The following TKTL1 variants were observed in gnomAD, a reference collection of about 807,000 sequenced individuals.
TKTL1 encodes transketolase like 1, also known as transketolase-like protein 1.
TKTL1 carries 1 observed loss-of-function variant against 39.3 expected under a neutral mutation model. That is an observed-to-expected ratio of 0.03 (90% CI 0.01 to 0.12). TKTL1 has a LOEUF of 0.12. Among genes scored for constraint, TKTL1 ranks in the 10% least tolerant of loss-of-function variants. The pLI is 1.00. For missense variants in TKTL1, 575 were observed against 509.6 expected, an observed-to-expected ratio of 1.13 and a Z score of -1.24; for synonymous variants, 262 against 193.8, an observed-to-expected ratio of 1.35 and a Z score of -2.92.
chrX:154,295,818 A>T lies in TKTL1; in HGVS notation c.-42A>T. 1 of 1,193,752 alleles carries T rather than the reference A, an allele frequency of 8.4e-7. No homozygotes were observed. Reference sequence around the variant, plus strand: ...GCGCCATTCGCTCTTCAGACGCCGGAGACGTAGGAGTGGGTCTTCAGACTC... The same window carrying T: ...GCGCCATTCGCTCTTCAGACGCCGGTGACGTAGGAGTGGGTCTTCAGACTC... On this transcript the variant is annotated 5_prime_UTR_variant, in exon 1 of 13. Transcript: ENST00000369915.
At chrX:154,323,833 A>G (rs145912472) in intron 9 of TKTL1, among the ~76,000 whole-genome samples, 185 of 112,665 alleles carry the variant, frequency 1.6e-3, no homozygotes, top group Non-Finnish European at 2.7e-3. Flanking sequence ...TTAGGGCGCC[A>G]AGAGTGTGTG....
At chrX:154,323,003 A>T (rs2067463811) in intron 8 of TKTL1, among the ~76,000 whole-genome samples, 2 of 112,370 alleles carry the variant, frequency 1.8e-5, no homozygotes, top group African/African-American at 6.5e-5. Context: ...GAGGTGTCAC[A>T]GTGTGATCTC....
intron 1 of TKTL1, among the ~76,000 whole-genome samples, chrX:154,296,198 C>G (rs1362760585): frequency 9.0e-6 from 1 of 110,926 alleles, no homozygotes; most frequent in Non-Finnish European, 1.9e-5. Flanking sequence ...AAGGGTCGGT[C>G]GGTTGGTTGG....
chrX:154,297,675 CA>C (rs2067241414), intron 1 of TKTL1, among the ~76,000 whole-genome samples: 1 of 110,902 alleles, frequency 9.0e-6, no homozygotes, highest in Non-Finnish European at 1.9e-5. Flanking sequence ...GTGGTGGCTC[CA>C]ACCTGTAATC....
intron 1 of TKTL1, among the ~76,000 whole-genome samples, chrX:154,300,976 T>A (rs1210081730): frequency 9.1e-6 from 1 of 110,083 alleles, no homozygotes; most frequent in African/African-American, 3.3e-5. Context: ...ATTACAGATG[T>A]GAGCCAACCG....
intron 2 of TKTL1, among the ~76,000 whole-genome samples, chrX:154,306,597 G>A (rs1375734502): frequency 9.0e-6 from 1 of 111,637 alleles, no homozygotes; most frequent in Non-Finnish European, 1.9e-5. Flanking sequence ...ATTGTGCTAG[G>A]CTTTAAACAT....
chrX:154,296,840 G>A (rs782200839), intron 1 of TKTL1, among the ~76,000 whole-genome samples: 3 of 111,661 alleles, frequency 2.7e-5, no homozygotes, highest in Non-Finnish European at 5.7e-5. Flanking sequence ...GCAAGATGGC[G>A]AACCTCTGTA....
intron 12 of TKTL1, among the ~76,000 whole-genome samples, chrX:154,328,345 A>G: frequency 9.2e-6 from 1 of 108,761 alleles, no homozygotes; most frequent in Non-Finnish European, 1.9e-5. Flanking sequence ...CAGAAGCTCA[A>G]GACCAGCCTG....
chrX:154,302,498 C>T (rs1472872742), intron 1 of TKTL1, among the ~76,000 whole-genome samples: 2 of 111,080 alleles, frequency 1.8e-5, no homozygotes, highest in Non-Finnish European at 3.8e-5. Flanking sequence ...CCCGTATCCT[C>T]ACATGGTCGG....
chrX:154,329,631 G>C lies in TKTL1; in HGVS notation c.1734G>C (p.Met578Ile). The part of the protein sequence containing the change: ...QSGKSEELLD[M>I]YGISARHIIV... The stretch of plus-strand genomic sequence containing the variant: ...GGAAGTCCGAGGAATTGCTGGATAT[G>C]TATGGAATTAGTGCCAGACATATCA... Residue 578 changes from methionine to isoleucine, a missense_variant, in exon 13 of 13, where the codon ATG becomes ATC. Transcript: ENST00000369915. 2 of 1,212,009 alleles carry C rather than the reference G, an allele frequency of 1.7e-6. No homozygotes were observed. The highest frequency in any genetic ancestry group is 1.8e-5 in the South Asian group (1 of 57,018).
chrX:154,296,014 T>C (rs782803277), intron 1 of TKTL1, 21 bp downstream of exon 1: 21 of 1,208,034 alleles, frequency 1.7e-5, no homozygotes, highest in Admixed American at 2.2e-5. Context: ...CTCATTGAAG[T>C]CTGGGTCATG....
At chrX:154,312,853 A>C in intron 6 of TKTL1, 80 bp downstream of exon 6, 1 of 953,343 alleles carries the variant, frequency 1.0e-6, no homozygotes. Context: ...TGTACACAGG[A>C]TTCTTCATTT....
At chrX:154,324,129 G>A (rs1308071558) in intron 9 of TKTL1, among the ~76,000 whole-genome samples, 5 of 110,626 alleles carry the variant, frequency 4.5e-5, no homozygotes, top group Admixed American at 2.9e-4. Flanking sequence ...TTTTTGTGTG[G>A]TTTTTGTGTT....
At chrX:154,301,914 C>CT (rs1189969073) in intron 1 of TKTL1, among the ~76,000 whole-genome samples, 75 of 101,964 alleles carry the variant, frequency 7.4e-4, no homozygotes, top group South Asian at 1.7e-3. Context: ...TTTCTTTTTT[C>CT]TTTTTTTTTT....
intron 7 of TKTL1, 119 bp from the exon 8 acceptor site, chrX:154,320,638 T>G (rs1479493294): frequency 1.4e-6 from 1 of 737,385 alleles, no homozygotes; most frequent in Non-Finnish European, 2.1e-6. Context: ...GAAGGACGCA[T>G]GCTAGAACTT....
chrX:154,305,572 G>A, intron 2 of TKTL1, 151 bp downstream of exon 2: 1 of 685,298 alleles, frequency 1.5e-6, no homozygotes, highest in Non-Finnish European at 2.1e-6. Context: ...GTTCTAGTGA[G>A]GGCCACTTGG....
intron 5 of TKTL1, among the ~76,000 whole-genome samples, chrX:154,311,574 AAG>A (rs1557168377): frequency 9.1e-6 from 1 of 110,156 alleles, no homozygotes. Flanking sequence ...TGCAAGAAAT[AAG>A]AGTGCATACC....
intron 12 of TKTL1, 137 bp downstream of exon 12, chrX:154,328,095 C>T (rs2067507038): frequency 6.0e-6 from 5 of 827,302 alleles, no homozygotes; most frequent in South Asian, 4.8e-5. Context: ...GTTCACTAAG[C>T]GTGGGGCCAT....
chrX:154,299,008 C>T (rs2067252068), intron 1 of TKTL1, among the ~76,000 whole-genome samples: 1 of 109,986 alleles, frequency 9.1e-6, no homozygotes, highest in Non-Finnish European at 1.9e-5. Flanking sequence ...CGCACCCGGC[C>T]AGATGTGAGG....
Sources: allele counts gnomAD v4.1 joint callset (sites outside exome capture counted in the v4.1 genomes callset), GRCh38; gene constraint gnomAD v4.1.1; transcripts MANE v1.5; gene names NCBI Gene and HGNC (gene_info 2026-07-23, HGNC 2026-07-21).